TMEM178B: variants seen among roughly 807,000 people sequenced by gnomAD.
TMEM178B encodes transmembrane protein 178B.
A neutral mutation model predicts 31.0 loss-of-function variants in TMEM178B; 5 were observed. The observed-to-expected ratio is 0.16, with a 90% CI of 0.08 to 0.34. The LOEUF is 0.34. TMEM178B is among the 10% of genes least tolerant of loss of function. The probability of loss-of-function intolerance (pLI) is 1.00; values close to 1 mark genes in which losing one functional copy is unlikely to be tolerated. For missense variants in TMEM178B, 275 were observed against 400.3 expected (o/e 0.69, Z 2.67); for synonymous variants, 164 against 164.0 (o/e 1.00, Z 0.00).
chr7:141,293,247 G>A (rs149864511), intron 2 of TMEM178B, among the ~76,000 whole-genome samples: 2 of 152,200 alleles, frequency 1.3e-5, no homozygotes, highest in African/African-American at 4.8e-5. Flanking sequence ...ACCCACCTGG[G>A]GGCTCCTCTG....
At chr7:141,081,443 TG>T (rs1357714478) in intron 1 of TMEM178B, among the ~76,000 whole-genome samples, 3 of 152,110 alleles carry the variant, frequency 2.0e-5, no homozygotes, top group African/African-American at 7.2e-5. Context: ...GAAACCAGCC[TG>T]GCCAACATGG....
intron 1 of TMEM178B, among the ~76,000 whole-genome samples, chr7:141,186,338 C>G (rs140430068): frequency 6.6e-6 from 1 of 152,062 alleles, no homozygotes; most frequent in East Asian, 1.9e-4. Flanking sequence ...ATCAGGAAAC[C>G]CACAAAGATT....
intron 1 of TMEM178B, among the ~76,000 whole-genome samples, chr7:141,112,468 G>T (rs539451348): frequency 6.6e-6 from 1 of 152,202 alleles, no homozygotes; most frequent in Non-Finnish European, 1.5e-5. Context: ...GGCTCAGGTT[G>T]GTCTCAAACT....
intron 3 of TMEM178B, among the ~76,000 whole-genome samples, chr7:141,460,986 T>C (rs1016014017): frequency 2.0e-5 from 3 of 152,238 alleles, no homozygotes; most frequent in Non-Finnish European, 4.4e-5. Flanking sequence ...CAGTAATTTA[T>C]ATTCCGTGCA....
chr7:141,162,858 G>A (rs373291218), intron 1 of TMEM178B, among the ~76,000 whole-genome samples: 1 of 152,350 alleles, frequency 6.6e-6, no homozygotes. Flanking sequence ...GATTGTGCAT[G>A]TGGTGCCAAG....
chr7:141,369,733 C>T (rs528300021), intron 2 of TMEM178B, among the ~76,000 whole-genome samples: 1 of 152,228 alleles, frequency 6.6e-6, no homozygotes, highest in South Asian at 2.1e-4. Flanking sequence ...TGGCAGAATC[C>T]CAGTGGGTCA....
chr7:141,265,593 C>A (rs924012011), intron 2 of TMEM178B, among the ~76,000 whole-genome samples: 5 of 152,046 alleles, frequency 3.3e-5, no homozygotes, highest in Admixed American at 6.5e-5. Flanking sequence ...GTACGTGGCA[C>A]CCTGGAGAAG....
chr7:141,247,717 G>C (rs1362964636), intron 2 of TMEM178B, among the ~76,000 whole-genome samples: 3 of 152,216 alleles, frequency 2.0e-5, no homozygotes, highest in Non-Finnish European at 2.9e-5. Context: ...GGGCATATCA[G>C]AGGTGTGATT....
At chr7:141,214,703 C>T (rs1166140498) in intron 2 of TMEM178B, among the ~76,000 whole-genome samples, 2 of 152,036 alleles carry the variant, frequency 1.3e-5, no homozygotes, top group African/African-American at 4.8e-5. Flanking sequence ...TAATGCCAAG[C>T]TTTGTGGGGT....
intron 1 of TMEM178B, among the ~76,000 whole-genome samples, chr7:141,108,954 T>G (rs200676963): frequency 3.3e-5 from 5 of 152,136 alleles, no homozygotes; most frequent in East Asian, 1.9e-4. Flanking sequence ...TGAAAGGCAC[T>G]TCTTACATGG....
rs1264706634 is a variant in TMEM178B, at chr7:141,074,139, C to T, written c.-172C>T. The T allele has an allele frequency of 2.3e-5, 22 of 962,196 alleles. No homozygotes were observed. The East Asian group carries it at 5.8e-4, about 25-fold the overall frequency. The allele number at this position is 962,196 out of a possible 1,614,324, so 59.6% of individuals were successfully genotyped here. A position where few individuals can be genotyped will look rare whatever the true frequency, so the allele number is the denominator to read the frequency against. On this transcript the variant is annotated 5_prime_UTR_variant, in exon 1 of 4. Coordinates refer to ENST00000565468, the MANE Select transcript of TMEM178B (RefSeq NM_001195278.2). The surrounding 1 kb of genome is among the most constrained non-coding windows in gnomAD (Gnocchi z 5.1). ...ACTTTTTAGGCCGCCCGCCCCCATC[C>T]CCGCAGTCCCCGGGCCGTGCTCCGG...
chr7:141,131,145 G>A (rs1283617138), intron 1 of TMEM178B, among the ~76,000 whole-genome samples: 2 of 152,238 alleles, frequency 1.3e-5, no homozygotes, highest in African/African-American at 4.8e-5. Flanking sequence ...ATCTCAGAAG[G>A]CATTTGCTGC....
chr7:141,396,388 T>A (rs1177404885), intron 2 of TMEM178B, among the ~76,000 whole-genome samples: 1 of 152,208 alleles, frequency 6.6e-6, no homozygotes, highest in Admixed American at 6.5e-5. Flanking sequence ...CCTGCCTTTT[T>A]CCCAAAGGCG....
chr7:141,483,341 C>T (rs922729607), downstream of TMEM178B, among the ~76,000 whole-genome samples: 3 of 152,126 alleles, frequency 2.0e-5, no homozygotes, highest in Non-Finnish European at 1.5e-5. Flanking sequence ...TTTCCCTCTA[C>T]AGACAAATCC....
chr7:141,334,730 C>T (rs1466603123), intron 2 of TMEM178B, among the ~76,000 whole-genome samples: 3 of 152,216 alleles, frequency 2.0e-5, no homozygotes, highest in Non-Finnish European at 4.4e-5. Context: ...GTGTAGCTGG[C>T]ATTCTGAGCC....
chr7:141,175,001 A>G (rs1796404598), intron 1 of TMEM178B, among the ~76,000 whole-genome samples: 1 of 152,118 alleles, frequency 6.6e-6, no homozygotes, highest in South Asian at 2.1e-4. Context: ...TTTTGTTGCC[A>G]TTGCTTTTGG....
At chr7:141,166,284 T>G (rs1796259396) in intron 1 of TMEM178B, among the ~76,000 whole-genome samples, 1 of 152,070 alleles carries the variant, frequency 6.6e-6, no homozygotes, top group South Asian at 2.1e-4. Context: ...ACCAGACAGG[T>G]GCTAAGAGGT....
At chr7:141,437,463 T>G (rs1801566950) in intron 2 of TMEM178B, 145 bp from the exon 3 acceptor site, 1 of 1,067,158 alleles carries the variant, frequency 9.4e-7, no homozygotes, top group East Asian at 2.6e-5. Context: ...TCTGCAAAGA[T>G]TGTGTGCTCC....
Position 141,212,577 on chromosome 7 carries a change from T to C in TMEM178B, c.383-14T>C, listed in dbSNP as rs1418431314. 2 of 1,533,980 alleles carry C rather than the reference T, an allele frequency of 1.3e-6. No individual in the cohort carries two copies. The highest frequency in any genetic ancestry group is 4.9e-5 in the East Asian group (2 of 40,912). ...TGCTTCCTTAACATTTTGTTTCCTG[T>C]TTCTCTTTTCTAGGAGAAATTGAGC... On this transcript the variant is annotated splice_polypyrimidine_tract_variant and intron_variant, in intron 1 of 3. Coordinates refer to ENST00000565468, the MANE Select transcript of TMEM178B (RefSeq NM_001195278.2).
Sources: gnomAD v4.1 joint callset for allele counts (sites outside exome capture counted in the v4.1 genomes callset) on GRCh38, gnomAD v4.1.1 for gene constraint, Gnocchi (gnomAD v3.1) non-coding constraint, MANE v1.5 for transcripts, NCBI Gene and HGNC (gene_info 2026-07-23, HGNC 2026-07-21) for gene names.